The following SERBP1 variants were observed in gnomAD, a reference collection of about 807,000 sequenced individuals.
The protein encoded by SERBP1 is SERPINE1 mRNA-binding protein 1.
SERBP1 carries 6 observed loss-of-function variants against 50.2 expected under a neutral mutation model. The observed-to-expected ratio is 0.12, with a 90% CI of 0.07 to 0.24. The LOEUF is 0.24. Ranked by LOEUF, SERBP1 falls within the 10% of genes least tolerant of loss-of-function variation. The probability of loss-of-function intolerance (pLI) is 1.00; values close to 1 mark genes in which losing one functional copy is unlikely to be tolerated. For missense variants in SERBP1, 346 were observed against 524.9 expected (o/e 0.66, Z 3.33); for synonymous variants, 168 against 182.8 (o/e 0.92, Z 0.65).
At chr1:67,416,821 T>G (rs546087619) in intron 6 of SERBP1, among the ~76,000 whole-genome samples, 1 of 152,324 alleles carries the variant, frequency 6.6e-6, no homozygotes, top group East Asian at 1.9e-4. Flanking sequence ...TAAAAACAAA[T>G]TCACAAAACA....
intron 6 of SERBP1, among the ~76,000 whole-genome samples, chr1:67,418,605 AAAC>A (rs1371640746): frequency 6.6e-6 from 1 of 151,960 alleles, no homozygotes; most frequent in African/African-American, 2.4e-5. Context: ...CTAAAAACAC[AAAC>A]ATTATCCGGG....
At chr1:67,423,371 C>T (rs1667266597) in intron 5 of SERBP1, among the ~76,000 whole-genome samples, 1 of 151,884 alleles carries the variant, frequency 6.6e-6, no homozygotes, top group South Asian at 2.1e-4. Flanking sequence ...CTTTGGGAGG[C>T]CAAGGTGGGT....
At chr1:67,416,171 C>G (rs1468161925) in intron 6 of SERBP1, among the ~76,000 whole-genome samples, 1 of 152,128 alleles carries the variant, frequency 6.6e-6, no homozygotes, top group Admixed American at 6.5e-5. Flanking sequence ...TGCCATGACA[C>G]CTGGCTAATT....
intron 6 of SERBP1, among the ~76,000 whole-genome samples, chr1:67,418,034 G>A (rs1179898630): frequency 7.6e-6 from 1 of 130,914 alleles, no homozygotes; most frequent in African/African-American, 2.9e-5. Flanking sequence ...GGAGTGCAGT[G>A]GTGTGATCTC....
chr1:67,408,295 C>A lies in SERBP1; in HGVS notation c.*4912G>T, dbSNP rs978746562. ...TACCACCAGGCATCTTTTATATATA[C>A]TTTCTTGCATATACAAGTCTCAAGA... is the stretch of plus-strand genomic sequence containing the variant. On this transcript the variant is annotated 3_prime_UTR_variant, in exon 8 of 8. Transcript: ENST00000361219. 1.3e-5 allele frequency: 2 copies of A among 152,144 alleles called. No individual in the cohort carries two copies. Among genetic ancestry groups the A allele is most frequent in the Non-Finnish European group, 2.9e-5 (2 of 68,030 alleles). The allele number at this position is 152,144 out of a possible 1,614,324, so 9.4% of individuals were successfully genotyped here. A position where few individuals can be genotyped will look rare whatever the true frequency, so the allele number is the denominator to read the frequency against.
rs1041825713 is a variant in SERBP1 at position 67,409,411 on chromosome 1, A to G, written c.*3796T>C. Reference sequence around the variant, plus strand: ...GACACACACACACACACACACACACACACACACACCCCCACACACACCAGG... The same window carrying G: ...GACACACACACACACACACACACACGCACACACACCCCCACACACACCAGG... On this transcript the variant is annotated 3_prime_UTR_variant, in exon 8 of 8. Coordinates refer to ENST00000361219, the MANE Select transcript of SERBP1 (RefSeq NM_001018069.2). 7.9e-6 allele frequency: 1 copy of G among 127,272 alleles called. No individual in the cohort carries two copies. Among genetic ancestry groups the G allele is most frequent in the East Asian group, 2.4e-4 (1 of 4,232 alleles). The allele number at this position is 127,272 out of a possible 1,614,324, so 7.9% of individuals were successfully genotyped here.
Position 67,415,627 on chromosome 1 carries a change from A to G in SERBP1, c.952-288T>C, listed in dbSNP as rs184876700. ...CCCAAACGGCTGAAGCCCATCCTAGACCTACTGAATCATAATCTTTAGCAG... is the reference window on the plus strand; with the variant it reads ...CCCAAACGGCTGAAGCCCATCCTAGGCCTACTGAATCATAATCTTTAGCAG... On this transcript the variant is annotated intron_variant, in intron 6 of 7. Transcript: ENST00000361219. Among the ~76,000 whole-genome samples, 30 of 152,280 alleles carry G rather than the reference A, an allele frequency of 2.0e-4. No individual in the cohort carries two copies. In the East Asian group the frequency reaches 5.2e-3, roughly 26 times the overall value.
At chr1:67,416,136 C>T (rs1384995784) in intron 6 of SERBP1, among the ~76,000 whole-genome samples, 1 of 152,076 alleles carries the variant, frequency 6.6e-6, no homozygotes, top group Non-Finnish European at 1.5e-5. Flanking sequence ...CCTCAGCCTC[C>T]CAAGTAGCTG....
rs1666717147 is a variant in SERBP1, at chr1:67,408,719, G to T, written c.*4488C>A. Reference sequence around the variant, plus strand: ...GCAAAGGACTTACACAAAGGGATCTGAGTCACTAAATGTGAAATACTAATC... The same window carrying T: ...GCAAAGGACTTACACAAAGGGATCTTAGTCACTAAATGTGAAATACTAATC... On this transcript the variant is annotated 3_prime_UTR_variant, in exon 8 of 8. Transcript: ENST00000361219. 6.6e-6 allele frequency: 1 copy of T among 152,148 alleles called. No individual in the cohort carries two copies. Among genetic ancestry groups the T allele is most frequent in the African/African-American group, 2.4e-5 (1 of 41,432 alleles). 9.4% of individuals were successfully genotyped at this position (152,148 alleles called of 1,614,324 possible).
intron 6 of SERBP1, among the ~76,000 whole-genome samples, chr1:67,416,668 CAAAT>C (rs1165575930): frequency 1.3e-5 from 2 of 152,072 alleles, no homozygotes; most frequent in Non-Finnish European, 2.9e-5. Context: ...CTTTAAAGTA[CAAAT>C]AAATTTTTGT....
At chr1:67,417,643 A>G (rs1328554341) in intron 6 of SERBP1, among the ~76,000 whole-genome samples, 1 of 151,500 alleles carries the variant, frequency 6.6e-6, no homozygotes, top group Non-Finnish European at 1.5e-5. Context: ...CTCCCAGGTA[A>G]CTGAGACCAC....
chr1:67,428,306 C>G (rs1378636237), intron 1 of SERBP1, among the ~76,000 whole-genome samples: 1 of 152,222 alleles, frequency 6.6e-6, no homozygotes, highest in East Asian at 1.9e-4. Flanking sequence ...TCATTCCCCA[C>G]ATTTGTTAAC....
At chr1:67,417,247 G>C (rs1222280021) in intron 6 of SERBP1, 2 of 152,026 alleles carry the variant, frequency 1.3e-5, no homozygotes, top group Non-Finnish European at 2.9e-5. Flanking sequence ...ACTAAAAGTG[G>C]AACAATACAA....
Position 67,424,253 on chromosome 1 carries a change from A to G in SERBP1, c.720T>C (p.Thr240=). 1 of 1,612,768 alleles carries G rather than the reference A, an allele frequency of 6.2e-7. No homozygotes were observed. Among genetic ancestry groups the G allele is most frequent in the Non-Finnish European group, 8.5e-7 (1 of 1,179,312 alleles). The change falls in exon 5 of 8, where the codon ACT becomes ACC. Residue 240 remains threonine (T), a synonymous_variant. Transcript: ENST00000361219. ...ELTDLDQSNV[T]EETPEGEEHH... Reference sequence around the variant, plus strand: ...GTTCTTCACCTTCAGGTGTTTCCTCAGTCACATTTGATTGATCCAAGTCAC... The same window carrying G: ...GTTCTTCACCTTCAGGTGTTTCCTCGGTCACATTTGATTGATCCAAGTCAC...
rs1191899512 is a variant in SERBP1, at chr1:67,415,400, AAAT to A, written c.952-64_952-62del. The A allele has an allele frequency of 3.5e-6, 5 of 1,437,298 alleles. No individual in the cohort carries two copies. The African/African-American group carries it at 4.4e-5, about 13-fold the overall frequency. 89.0% of individuals were successfully genotyped at this position (1,437,298 alleles called of 1,614,324 possible). A position where few individuals can be genotyped will look rare whatever the true frequency, so the allele number is the denominator to read the frequency against. On this transcript the variant is annotated intron_variant, in intron 6 of 7. Transcript: ENST00000361219. ...AGAAAAGTAACATTGCAAAATTTCT[AAAT>A]AATGAGCTTTCTTCTAAAAAAAACC...
At position 67,415,191 on chromosome 1, in the gene SERBP1, G is replaced by A; in HGVS notation, c.1100C>T (p.Pro367Leu). The A allele has an allele frequency of 1.2e-6, 2 of 1,601,020 alleles. No homozygotes were observed. The highest frequency in any genetic ancestry group is 1.7e-6 in the Non-Finnish European group (2 of 1,175,824). Residue 367 changes from proline (P) to leucine (L), a missense_variant, in exon 7 of 8, where the codon CCA becomes CTA. Pro to Leu is a moderately conservative substitution (Grantham distance 98). Transcript: ENST00000361219. ...GRGGRGRGGR[P>L]NRGSRTDKSS... is the part of the protein sequence containing the mutation. ...CTTGTCGGTCCTGCTGCCACGGTTT[G>A]GGCGCCCACCACGCCCACGTCCACC...
intron 6 of SERBP1, among the ~76,000 whole-genome samples, chr1:67,418,414 A>G (rs776720620): frequency 5.9e-5 from 9 of 152,150 alleles, no homozygotes; most frequent in Non-Finnish European, 8.8e-5. Flanking sequence ...CCTCCATTTT[A>G]TTTTAAAATG....
intron 5 of SERBP1, among the ~76,000 whole-genome samples, chr1:67,423,225 G>A (rs1334712114): frequency 3.3e-5 from 5 of 152,012 alleles, no homozygotes. Context: ...CGTGAACCCG[G>A]GAGGCGGAGG....
chr1:67,424,860 G>C, intron 4 of SERBP1, 28 bp downstream of exon 4: 1 of 1,573,066 alleles, frequency 6.4e-7, no homozygotes, highest in Non-Finnish European at 8.7e-7. Flanking sequence ...GTTAGGTATA[G>C]AATTTTTAAG....
Sources: allele counts gnomAD v4.1 joint callset (sites outside exome capture counted in the v4.1 genomes callset), GRCh38; gene constraint gnomAD v4.1.1; transcripts MANE v1.5; gene names NCBI Gene and HGNC (gene_info 2026-07-23, HGNC 2026-07-21).